OSBPL7: variants seen among roughly 807,000 people sequenced by gnomAD.
The protein encoded by OSBPL7 is oxysterol binding protein like 7.
A neutral mutation model predicts 115.8 loss-of-function variants in OSBPL7; 66 were observed. That is an observed-to-expected ratio of 0.57 (90% CI 0.47 to 0.70). OSBPL7 has a LOEUF of 0.70. Ranked by LOEUF, OSBPL7 falls within the 30% of genes least tolerant of loss-of-function variation. The probability of loss-of-function intolerance (pLI) is 0.00; values close to 1 mark genes in which losing one functional copy is unlikely to be tolerated. For missense variants in OSBPL7, 902 were observed against 1,125.5 expected, an observed-to-expected ratio of 0.80 and a Z score of 2.84; for synonymous variants, 441 against 439.2, an observed-to-expected ratio of 1.00 and a Z score of -0.05.
chr17:47,814,807 G>C, intron 13 of OSBPL7, 193 bp from the exon 14 acceptor site: 1 of 606,928 alleles, frequency 1.6e-6, no homozygotes, highest in Non-Finnish European at 2.9e-6. Context: ...GCCACCTTGG[G>C]AAGGGGAGGG....
At chr17:47,811,746 C>T (rs958903446) in intron 16 of OSBPL7, among the ~76,000 whole-genome samples, 1 of 152,190 alleles carries the variant, frequency 6.6e-6, no homozygotes, top group Non-Finnish European at 1.5e-5. Flanking sequence ...CACTGATGCC[C>T]CCCAGGCTGC....
chr17:47,814,482 C>CCCA, intron 14 of OSBPL7, 39 bp downstream of exon 14: 1 of 1,062,012 alleles, frequency 9.4e-7, no homozygotes, highest in Non-Finnish European at 1.4e-6. Context: ...TTTTTCCACC[C>CCCA]GCCTCCCACC....
chr17:47,816,397 T>C lies in OSBPL7; in HGVS notation c.1014A>G (p.Ser338=). 6.6e-7 allele frequency: 1 copy of C among 1,517,704 alleles called. No homozygotes were observed. 94.0% of individuals were successfully genotyped at this position (1,517,704 alleles called of 1,614,324 possible). Residue 338 remains serine (S), a synonymous_variant, in exon 11 of 23, where the codon TCA becomes TCG. Transcript: ENST00000007414. This position sits in a 1 kb window ranked among gnomAD's most constrained non-coding sequence, Gnocchi z 5.8. The stretch of plus-strand genomic sequence containing the variant: ...GTCCCCCAGGCCTCACCCCCATTCT[T>C]GACAACTCTGAGCCCTGGTGCATGT... ...LRDMHQGSEL[S]RMGVSEASTG...
chr17:47,813,857 C>T (rs1480275119), intron 14 of OSBPL7, 23 bp from the exon 15 acceptor site: 3 of 1,590,422 alleles, frequency 1.9e-6, no homozygotes, highest in Non-Finnish European at 1.7e-6. Context: ...TGCCATGTCA[C>T]TCTCCATCTG....
chr17:47,817,470 A>C, intron 7 of OSBPL7, 111 bp from the exon 8 acceptor site: 1 of 674,134 alleles, frequency 1.5e-6, no homozygotes, highest in South Asian at 1.8e-5. Context: ...GCTCACTGCA[A>C]CCTCTGCCTC....
chr17:47,810,522 A>G (rs537645133), intron 18 of OSBPL7, 72 bp downstream of exon 18: 10 of 1,388,478 alleles, frequency 7.2e-6, no homozygotes, highest in Middle Eastern at 1.9e-4. Flanking sequence ...TCCTGTCCCT[A>G]AGGCCACGCC....
chr17:47,813,140 G>T, intron 16 of OSBPL7, 126 bp downstream of exon 16: 1 of 1,321,802 alleles, frequency 7.6e-7, no homozygotes, highest in Non-Finnish European at 1.0e-6. Context: ...GCAGAGCCCG[G>T]CACAGAGCCA....
intron 12 of OSBPL7, chr17:47,815,735 G>A (rs979895405): frequency 9.6e-6 from 3 of 313,282 alleles, no homozygotes; most frequent in Non-Finnish European, 1.8e-5. Flanking sequence ...CCGGCAGGCA[G>A]GAGAGCCAGA....
chr17:47,817,769 C>T (rs899343705), intron 7 of OSBPL7, among the ~76,000 whole-genome samples: 2 of 152,192 alleles, frequency 1.3e-5, no homozygotes, highest in East Asian at 1.9e-4. Context: ...GAGCTCAGGT[C>T]GCTACCCCTG....
intron 12 of OSBPL7, 169 bp downstream of exon 12, chr17:47,815,938 A>G (rs1227209677): frequency 6.9e-6 from 4 of 580,780 alleles, no homozygotes; most frequent in Non-Finnish European, 1.2e-5. Flanking sequence ...TTGTTACACA[A>G]TGATCGAGAT....
chr17:47,818,712 C>G, intron 5 of OSBPL7, 96 bp from the exon 6 acceptor site: 1 of 1,097,162 alleles, frequency 9.1e-7, no homozygotes, highest in Non-Finnish European at 1.3e-6. Flanking sequence ...CAAGCAGGGT[C>G]TCTTCTTACA....
At position 47,808,548 on chromosome 17, in the gene OSBPL7, GA is replaced by G; in HGVS notation, c.2409del (p.Arg804AlafsTer16). On this transcript the variant is annotated frameshift_variant, in exon 22 of 23. Coordinates refer to ENST00000007414, the MANE Select transcript of OSBPL7 (RefSeq NM_145798.3). LOFTEE classifies it high-confidence loss of function. This position sits in a 1 kb window ranked among gnomAD's most constrained non-coding sequence, Gnocchi z 6.1. The stretch of plus-strand genomic sequence containing the variant: ...GCGAGGCCGAGGCACCTGAAGAAGC[GA>G]GCCTGGTGTACGATGTTGTTTTCCT... Reference protein sequence around the residue: ...VMEENNIVHQARFFRRQTDSS... With the variant: ...VMEENNIVHQXRFFRRQTDSS... 1 of 1,614,198 alleles carries G rather than the reference GA, an allele frequency of 6.2e-7. No homozygotes were observed. The highest frequency in any genetic ancestry group is 8.5e-7 in the Non-Finnish European group (1 of 1,180,022).
At chr17:47,811,852 GTAAATCTTTC>G (rs902553546) in intron 16 of OSBPL7, among the ~76,000 whole-genome samples, 8 of 152,168 alleles carry the variant, frequency 5.3e-5, no homozygotes, top group African/African-American at 1.9e-4. Context: ...TTAAAAAATA[GTAAATCTTTC>G]TCTTCTAGAC....
At chr17:47,821,081 T>G (rs1345306159) in intron 1 of OSBPL7, among the ~76,000 whole-genome samples, 2 of 152,044 alleles carry the variant, frequency 1.3e-5, no homozygotes, top group African/African-American at 4.8e-5. Context: ...CTAAAGGAGA[T>G]ACTTCATGAG....
intron 18 of OSBPL7, among the ~76,000 whole-genome samples, chr17:47,810,315 T>C (rs929607037): frequency 6.6e-6 from 1 of 152,222 alleles, no homozygotes; most frequent in African/African-American, 2.4e-5. Flanking sequence ...CATTTCTGAC[T>C]GTGAGACTGT....
At chr17:47,819,920 T>TGCC in intron 3 of OSBPL7, 51 bp downstream of exon 3, 1 of 642,046 alleles carries the variant, frequency 1.6e-6, no homozygotes, top group Non-Finnish European at 2.6e-6. Flanking sequence ...CTGCCCCCCA[T>TGCC]TCCCACCCCG....
In OSBPL7 at chr17:47,816,322, C is replaced by G; in HGVS notation, c.1023+66G>C. 5 of 1,485,654 alleles carry G rather than the reference C, an allele frequency of 3.4e-6. No homozygotes were observed. Among genetic ancestry groups the G allele is most frequent in the Non-Finnish European group, 4.5e-6 (5 of 1,109,982 alleles). 92.0% of individuals were successfully genotyped at this position (1,485,654 alleles called of 1,614,324 possible). ...CCTGACCCAGATCTGCTATCGGACCCCAGGCTGGCAGTCCTCAGCTTGAAG... is the reference window on the plus strand; with the variant it reads ...CCTGACCCAGATCTGCTATCGGACCGCAGGCTGGCAGTCCTCAGCTTGAAG... On this transcript the variant is annotated intron_variant, in intron 11 of 22. Coordinates refer to ENST00000007414, the MANE Select transcript of OSBPL7 (RefSeq NM_145798.3). The surrounding 1 kb of genome is among the most constrained non-coding windows in gnomAD (Gnocchi z 5.8).
In OSBPL7 at chr17:47,811,495, GCCT is replaced by G. The variant is rs528050432; in HGVS notation, c.1738-663_1738-661del. On this transcript the variant is annotated intron_variant, in intron 16 of 22. Coordinates refer to ENST00000007414, the MANE Select transcript of OSBPL7 (RefSeq NM_145798.3). The stretch of plus-strand genomic sequence containing the variant: ...CCACTTGCCAGAAATGCCAGCACCG[GCCT>G]CCTCTGTGCATCCCTGGCTCTGACT... Among the ~76,000 whole-genome samples, 8 of 152,220 alleles carry G rather than the reference GCCT, an allele frequency of 5.3e-5. No homozygotes were observed. In the South Asian group the frequency reaches 1.7e-3, roughly 32 times the overall value.
chr17:47,815,852 C>G (rs2143545655), intron 12 of OSBPL7: 1 of 424,266 alleles, frequency 2.4e-6, no homozygotes, highest in East Asian at 4.3e-5. Flanking sequence ...ATCCTTTGAG[C>G]CTCAGTTTTG....
Sources: allele counts gnomAD v4.1 joint callset (sites outside exome capture counted in the v4.1 genomes callset), GRCh38; gene constraint gnomAD v4.1.1; non-coding constraint Gnocchi (gnomAD v3.1); transcripts MANE v1.5; gene names NCBI Gene and HGNC (gene_info 2026-07-23, HGNC 2026-07-21).